TMTC1: variants seen among roughly 807,000 people sequenced by gnomAD.
TMTC1 encodes transmembrane O-mannosyltransferase targeting cadherins 1.
TMTC1 carries 73 observed loss-of-function variants against 104.8 expected under a neutral mutation model. The observed-to-expected ratio is 0.70, with a 90% CI of 0.58 to 0.85. The LOEUF (loss-of-function observed/expected upper bound fraction) is 0.85. TMTC1 is among the 40% of genes least tolerant of loss of function. TMTC1 has a pLI of 0.00. For synonymous variants in TMTC1, 434 were observed against 428.7 expected (o/e 1.01, Z -0.15); for missense variants, 1,035 against 1,096.1 (o/e 0.94, Z 0.79).
intron 5 of TMTC1, among the ~76,000 whole-genome samples, chr12:29,742,293 A>G (rs1383395789): frequency 6.6e-6 from 1 of 152,194 alleles, no homozygotes; most frequent in Non-Finnish European, 1.5e-5. Flanking sequence ...AATTATATAT[A>G]TTAATTGCCT....
chr12:29,547,783 G>C (rs1367601149), intron 10 of TMTC1, among the ~76,000 whole-genome samples: 1 of 152,204 alleles, frequency 6.6e-6, no homozygotes. Context: ...ATGTGTGTAC[G>C]CAATGGATAT....
chr12:29,742,989 A>G (rs915462170), intron 5 of TMTC1, among the ~76,000 whole-genome samples: 10 of 152,236 alleles, frequency 6.6e-5, no homozygotes, highest in African/African-American at 1.9e-4. Context: ...ATTCTTCCAC[A>G]TTGGCTTTCG....
intron 5 of TMTC1, among the ~76,000 whole-genome samples, chr12:29,669,621 AAGT>A (rs1187211787): frequency 6.6e-6 from 1 of 152,242 alleles, no homozygotes; most frequent in East Asian, 1.9e-4. Context: ...TCATAAGAAT[AAGT>A]GAGAAAAGCA....
At chr12:29,755,180 T>C (rs1166842652) in intron 4 of TMTC1, among the ~76,000 whole-genome samples, 1 of 152,182 alleles carries the variant, frequency 6.6e-6, no homozygotes, top group Non-Finnish European at 1.5e-5. Context: ...AATAAGCTTG[T>C]TCATTAATTT....
At chr12:29,545,412 G>T (rs1196432087) in intron 10 of TMTC1, among the ~76,000 whole-genome samples, 1 of 152,136 alleles carries the variant, frequency 6.6e-6, no homozygotes, top group Admixed American at 6.5e-5. Context: ...GGCTGAGGAA[G>T]ACGGATCATT....
chr12:29,723,311 A>G (rs973350209), intron 5 of TMTC1, among the ~76,000 whole-genome samples: 1 of 152,236 alleles, frequency 6.6e-6, no homozygotes, highest in Non-Finnish European at 1.5e-5. Context: ...GTTTCATAAA[A>G]TAATGAAGAC....
intron 1 of TMTC1, among the ~76,000 whole-genome samples, chr12:29,770,381 A>G (rs1172601081): frequency 6.6e-6 from 1 of 152,194 alleles, no homozygotes; most frequent in African/African-American, 2.4e-5. Context: ...TCTTGAACTT[A>G]GTCAAAATCT....
chr12:29,711,388 T>C (rs11050403), intron 5 of TMTC1, among the ~76,000 whole-genome samples: 1,935 of 152,318 alleles, frequency 0.013, 40 homozygotes, highest in African/African-American at 0.043. Flanking sequence ...ACAGTCTCTA[T>C]GAGTTCAAAT....
chr12:29,523,788 C>T (rs184604394), intron 11 of TMTC1, among the ~76,000 whole-genome samples: 4 of 152,104 alleles, frequency 2.6e-5, no homozygotes, highest in Non-Finnish European at 5.9e-5. Context: ...AAAGAAAATT[C>T]GCGTCTATTT....
chr12:29,612,418 T>G (rs932613229), intron 6 of TMTC1, among the ~76,000 whole-genome samples: 1 of 150,498 alleles, frequency 6.6e-6, no homozygotes, highest in African/African-American at 2.5e-5. Context: ...TAAAAAAAAA[T>G]TTTTTTTTGA....
At chr12:29,711,924 G>A (rs1023192886) in intron 5 of TMTC1, among the ~76,000 whole-genome samples, 6 of 150,012 alleles carry the variant, frequency 4.0e-5, no homozygotes, top group African/African-American at 7.4e-5. Flanking sequence ...GGAGAATGGC[G>A]TGAACCCAGG....
chr12:29,588,513 G>A (rs1946199178), intron 7 of TMTC1, among the ~76,000 whole-genome samples: 1 of 152,140 alleles, frequency 6.6e-6, no homozygotes, highest in Non-Finnish European at 1.5e-5. Context: ...TCATTCATCA[G>A]ATATTTAACA....
At chr12:29,776,710 G>A (rs1410395113) in intron 1 of TMTC1, among the ~76,000 whole-genome samples, 3 of 133,898 alleles carry the variant, frequency 2.2e-5, no homozygotes, top group Non-Finnish European at 3.2e-5. Context: ...ACAAAGCAGG[G>A]TAAGGAAATA....
At chr12:29,698,014 T>C (rs1941475173) in intron 5 of TMTC1, among the ~76,000 whole-genome samples, 1 of 152,204 alleles carries the variant, frequency 6.6e-6, no homozygotes, top group Non-Finnish European at 1.5e-5. Flanking sequence ...GTATGATTAT[T>C]CTTTAAATTA....
intron 2 of TMTC1, among the ~76,000 whole-genome samples, chr12:29,762,415 T>C (rs1045064635): frequency 6.6e-6 from 1 of 152,216 alleles, no homozygotes; most frequent in Non-Finnish European, 1.5e-5. Flanking sequence ...GTGGAACTCT[T>C]AACACTGAGA....
At chr12:29,661,084 C>T (rs958550139) in intron 5 of TMTC1, among the ~76,000 whole-genome samples, 35 of 152,114 alleles carry the variant, frequency 2.3e-4, no homozygotes, top group Admixed American at 5.2e-4. Context: ...GGCAAGTTTC[C>T]GAACCTCTTT....
chr12:29,689,316 C>CT, intron 5 of TMTC1, among the ~76,000 whole-genome samples: 2 of 151,668 alleles, frequency 1.3e-5, no homozygotes, highest in Non-Finnish European at 2.9e-5. Context: ...AAGTCTCACT[C>CT]TGTCACCCAG....
chr12:29,758,861 T>C, intron 2 of TMTC1, 84 bp from the exon 3 acceptor site: 1 of 1,205,138 alleles, frequency 8.3e-7, no homozygotes, highest in Non-Finnish European at 1.1e-6. Flanking sequence ...AGAAATGTAT[T>C]TGTTGTTAGA....
At chr12:29,731,536 G>A (rs549493155) in intron 5 of TMTC1, among the ~76,000 whole-genome samples, 1 of 152,262 alleles carries the variant, frequency 6.6e-6, no homozygotes, top group East Asian at 1.9e-4. Context: ...TTCAGGAACT[G>A]TCTGCTCCTT....
Sources: gnomAD v4.1 joint callset for allele counts (sites outside exome capture counted in the v4.1 genomes callset) on GRCh38, gnomAD v4.1.1 for gene constraint, MANE v1.5 for transcripts, NCBI Gene and HGNC (gene_info 2026-07-23, HGNC 2026-07-21) for gene names.